CYP4Z1: variants seen among roughly 807,000 people sequenced by gnomAD.
CYP4Z1 encodes cytochrome P450 family 4 subfamily Z member 1.
CYP4Z1 carries 41 observed loss-of-function variants against 54.2 expected under a neutral mutation model. That is an observed-to-expected ratio of 0.76 (90% CI 0.59 to 0.98). The LOEUF (loss-of-function observed/expected upper bound fraction) is 0.98. Ranked by LOEUF, CYP4Z1 falls within the 50% of genes least tolerant of loss-of-function variation. The pLI is 0.00. For missense variants in CYP4Z1, 513 were observed against 599.0 expected, an observed-to-expected ratio of 0.86 and a Z score of 1.50; for synonymous variants, 163 against 206.2, an observed-to-expected ratio of 0.79 and a Z score of 1.79.
chr1:47,065,235 T>G (rs1197293238), upstream of CYP4Z1, among the ~76,000 whole-genome samples: 2 of 152,146 alleles, frequency 1.3e-5, no homozygotes, highest in African/African-American at 2.4e-5. Flanking sequence ...ATACATTCTA[T>G]TCATCTGTAC....
chr1:47,114,830 A>T (rs1357724418), intron 9 of CYP4Z1, among the ~76,000 whole-genome samples: 1 of 152,188 alleles, frequency 6.6e-6, no homozygotes, highest in Non-Finnish European at 1.5e-5. Context: ...AAATAGGGAC[A>T]CTTTTACACT....
At chr1:47,116,570 ATTTCGT>A (rs56709867) in intron 10 of CYP4Z1, 74 bp from the exon 11 acceptor site, 262,934 of 917,110 alleles carry the variant, frequency 0.29, 42,380 homozygotes, top group East Asian at 0.65. Context: ...ATATCTATGG[ATTTCGT>A]TTTTGTTTTT....
chr1:47,068,588 C>A (rs1644467851), intron 1 of CYP4Z1, 34 bp from the exon 2 acceptor site: 2 of 1,610,274 alleles, frequency 1.2e-6, no homozygotes, highest in African/African-American at 1.3e-5. Context: ...GGGTGACAAC[C>A]TTTACTAACC....
At chr1:47,094,120 T>A (rs1644659025) in intron 6 of CYP4Z1, among the ~76,000 whole-genome samples, 1 of 152,206 alleles carries the variant, frequency 6.6e-6, no homozygotes, top group African/African-American at 2.4e-5. Context: ...TCAGTATTCC[T>A]CTGCCACTCA....
In CYP4Z1 at chr1:47,088,373, G is replaced by A. The variant is rs145041662; in HGVS notation, c.772+3395G>A. 4.9e-3 allele frequency among the ~76,000 whole-genome samples: 748 copies of A among 152,184 alleles called. 13 individuals are homozygous for A. The highest frequency in any genetic ancestry group is 0.047 in the East Asian group (242 of 5,182). ...TATTAATTATTGCCTCAATTTCAGAGCCTGTTATTGGTCTATTCAGAGATT... is the reference window on the plus strand; with the variant it reads ...TATTAATTATTGCCTCAATTTCAGAACCTGTTATTGGTCTATTCAGAGATT... On this transcript the variant is annotated intron_variant, in intron 6 of 11. Transcript: ENST00000334194.
chr1:47,067,360 C>A lies in CYP4Z1; in HGVS notation c.-131C>A. The stretch of plus-strand genomic sequence containing the variant: ...TAATTAGGCTTCCTCTTCCTTATGT[C>A]CCCTCCCTGAATATGGCATTTTGAA... On this transcript the variant is annotated 5_prime_UTR_variant, in exon 1 of 12. Coordinates refer to ENST00000334194, the MANE Select transcript of CYP4Z1 (RefSeq NM_178134.3). The A allele has an allele frequency of 2.8e-6, 2 of 713,014 alleles. No homozygotes were observed. Among genetic ancestry groups the A allele is most frequent in the African/African-American group, 1.8e-5 (1 of 54,882 alleles). 44.2% of individuals were successfully genotyped at this position (713,014 alleles called of 1,614,324 possible).
intron 9 of CYP4Z1, among the ~76,000 whole-genome samples, chr1:47,109,756 A>T (rs1014344019): frequency 3.3e-5 from 5 of 152,222 alleles, no homozygotes; most frequent in African/African-American, 1.2e-4. Flanking sequence ...GAGGATGAAG[A>T]TAAAATCAGA....
At position 47,067,664 on chromosome 1, in the gene CYP4Z1, G is replaced by A. The variant is rs1165108190; in HGVS notation, c.174G>A (p.Lys58=). ...APPAHWFYGH[K]EFYPVKEFEV... Reference sequence around the variant, plus strand: ...CTGCCCACTGGTTCTATGGCCACAAGGAGGTAAGAGGAGAAAATTAGTTGG... The same window carrying A: ...CTGCCCACTGGTTCTATGGCCACAAAGAGGTAAGAGGAGAAAATTAGTTGG... The change falls in exon 1 of 12, where the codon AAG becomes AAA. Residue 58 remains lysine, a synonymous_variant. Transcript: ENST00000334194. The A allele has an allele frequency of 6.3e-7, 1 of 1,594,320 alleles. No individual in the cohort carries two copies. The highest frequency in any genetic ancestry group is 8.6e-7 in the Non-Finnish European group (1 of 1,168,390).
chr1:47,106,577 T>A (rs934198224), intron 9 of CYP4Z1, among the ~76,000 whole-genome samples: 2 of 152,158 alleles, frequency 1.3e-5, no homozygotes, highest in African/African-American at 4.8e-5. Flanking sequence ...GAGGCAGTAC[T>A]GTGGGCAGAG....
At chr1:47,086,199 G>A (rs1461268309) in intron 6 of CYP4Z1, among the ~76,000 whole-genome samples, 1 of 152,110 alleles carries the variant, frequency 6.6e-6, no homozygotes, top group Non-Finnish European at 1.5e-5. Context: ...AATCCTTTGG[G>A]TATATACCCA....
Position 47,094,686 on chromosome 1 carries a change from T to G in CYP4Z1, c.876+17T>G. Reference sequence around the variant, plus strand: ...AGTGCCAAAGTAAGTCTTCTAAACTTCTGAACACATTCGACTCAATAATTA... The same window carrying G: ...AGTGCCAAAGTAAGTCTTCTAAACTGCTGAACACATTCGACTCAATAATTA... On this transcript the variant is annotated intron_variant, in intron 7 of 11. Coordinates refer to ENST00000334194, the MANE Select transcript of CYP4Z1 (RefSeq NM_178134.3). 4 of 1,579,388 alleles carry G rather than the reference T, an allele frequency of 2.5e-6. No individual in the cohort carries two copies. The highest frequency in any genetic ancestry group is 1.7e-4 in the Middle Eastern group (1 of 6,000).
At chr1:47,076,716 G>A (rs1339159664) in intron 2 of CYP4Z1, among the ~76,000 whole-genome samples, 2 of 150,552 alleles carry the variant, frequency 1.3e-5, no homozygotes, top group Admixed American at 6.6e-5. Context: ...GCGGTGGCGG[G>A]CTCCTGTAGT....
At chr1:47,108,248 T>C (rs1644770423) in intron 9 of CYP4Z1, among the ~76,000 whole-genome samples, 1 of 152,090 alleles carries the variant, frequency 6.6e-6, no homozygotes, top group Non-Finnish European at 1.5e-5. Flanking sequence ...ACAACTTCAC[T>C]TTCTTCACCC....
At chr1:47,086,432 C>T (rs1484635486) in intron 6 of CYP4Z1, among the ~76,000 whole-genome samples, 1 of 152,208 alleles carries the variant, frequency 6.6e-6, no homozygotes, top group Non-Finnish European at 1.5e-5. Context: ...ATTTGCATTT[C>T]TCTGATGGCC....
chr1:47,104,945 T>C (rs943229814), intron 8 of CYP4Z1, among the ~76,000 whole-genome samples: 7 of 151,906 alleles, frequency 4.6e-5, no homozygotes, highest in African/African-American at 1.7e-4. Flanking sequence ...AGTTTTGCTC[T>C]TGTTGCCCAG....
chr1:47,118,245 C>CT lies in CYP4Z1; in HGVS notation c.*315dup. 1 of 226,394 alleles carries CT rather than the reference C, an allele frequency of 4.4e-6. No homozygotes were observed. The highest frequency in any genetic ancestry group is 5.1e-5 in the Admixed American group (1 of 19,752). 14.0% of individuals were successfully genotyped at this position (226,394 alleles called of 1,614,324 possible). A position where few individuals can be genotyped will look rare whatever the true frequency, so the allele number is the denominator to read the frequency against. ...AAAACTCCACTCAGTATCTGCATTA[C>CT]TTTTATCTCTGCAAATATCTGCATG... On this transcript the variant is annotated 3_prime_UTR_variant, in exon 12 of 12. Coordinates refer to ENST00000334194, the MANE Select transcript of CYP4Z1 (RefSeq NM_178134.3).
At chr1:47,088,460 T>C (rs1204199066) in intron 6 of CYP4Z1, among the ~76,000 whole-genome samples, 1 of 152,234 alleles carries the variant, frequency 6.6e-6, no homozygotes, top group Non-Finnish European at 1.5e-5. Flanking sequence ...CCATTTCTTC[T>C]AGATTTACTA....
At chr1:47,106,984 A>G (rs1409362413) in intron 9 of CYP4Z1, among the ~76,000 whole-genome samples, 1 of 152,202 alleles carries the variant, frequency 6.6e-6, no homozygotes, top group Non-Finnish European at 1.5e-5. Context: ...CCGTCTTTCA[A>G]ATATTGGATT....
chr1:47,064,497 T>C (rs1368524364), upstream of CYP4Z1, among the ~76,000 whole-genome samples: 3 of 152,256 alleles, frequency 2.0e-5, no homozygotes, highest in Non-Finnish European at 4.4e-5. Flanking sequence ...AAACAAATGC[T>C]GAGAGAATTC....
Sources: allele counts gnomAD v4.1 joint callset (sites outside exome capture counted in the v4.1 genomes callset), GRCh38; gene constraint gnomAD v4.1.1; transcripts MANE v1.5; gene names NCBI Gene and HGNC (gene_info 2026-07-23, HGNC 2026-07-21).